TTF2: variants seen among roughly 807,000 people sequenced by gnomAD.
The protein encoded by TTF2 is transcription termination factor 2.
In TTF2, 108 loss-of-function variants were observed where a neutral mutation model predicts 142.4. The ratio of observed to expected loss-of-function variants is 0.76; its 90% CI spans 0.65 to 0.89. The LOEUF (loss-of-function observed/expected upper bound fraction) is 0.89, where lower values mean the gene tolerates loss of function less well. Ranked by LOEUF, TTF2 falls within the 40% of genes least tolerant of loss-of-function variation. TTF2 has a pLI of 0.00. For synonymous variants in TTF2, 483 were observed against 506.2 expected (o/e 0.95, Z 0.61); for missense variants, 1,327 against 1,379.8 (o/e 0.96, Z 0.61).
chr1:117,079,082 A>C lies in TTF2; in HGVS notation c.1702-486A>C, dbSNP rs1381982221. On this transcript the variant is annotated intron_variant, in intron 8 of 22. Transcript: ENST00000369466. The surrounding 1 kb of genome is among the most constrained non-coding windows in gnomAD (Gnocchi z 4.2). ...TGGTGAAACCCCATCTCTACTAAAAATAAGAAAATTAGCTGGGCATGGTGG... is the reference window on the plus strand; with the variant it reads ...TGGTGAAACCCCATCTCTACTAAAACTAAGAAAATTAGCTGGGCATGGTGG... Among the ~76,000 whole-genome samples the C allele has an allele frequency of 6.6e-6, 1 of 152,104 alleles. No homozygotes were observed. The highest frequency in any genetic ancestry group is 1.5e-5 in the Non-Finnish European group (1 of 68,020).
In TTF2 at chr1:117,076,743, G is replaced by A. The variant is rs151058269; in HGVS notation, c.1493G>A (p.Arg498His). The A allele has an allele frequency of 3.8e-4, 606 of 1,614,064 alleles. 4 individuals carry two copies. Among genetic ancestry groups the A allele is most frequent in the African/African-American group, 1.7e-4 (13 of 74,992 alleles). The change falls in exon 7 of 23, where the codon CGT becomes CAT. Residue 498 changes from arginine to histidine, a missense_variant. Physicochemically the swap from Arg to His is conservative, Grantham distance 29. Coordinates refer to ENST00000369466, the MANE Select transcript of TTF2 (RefSeq NM_003594.4). This position sits in a 1 kb window ranked among gnomAD's most constrained non-coding sequence, Gnocchi z 4.6. ...HLVPPQPLPR[R>H]GTQPVGSLEL... ...GTGCCTCCCCAACCCCTTCCTCGTC[G>A]TGGTACCCAACCTGTGGGTTCTCTA...
At position 117,091,400 on chromosome 1, in the gene TTF2, A is replaced by G; in HGVS notation, c.2661A>G (p.Pro887=). ...GNQSGRSPNN[P]FSRVALEFGS... ...AATCTGGAAGAAGCCCTAATAATCC[A>G]TTCAGTAGAGGTAAGCTGTAGGACT... Residue 887 remains proline (P), a synonymous_variant, in exon 16 of 23, where the codon CCA becomes CCG. Coordinates refer to ENST00000369466, the MANE Select transcript of TTF2 (RefSeq NM_003594.4). 6.2e-7 allele frequency: 1 copy of G among 1,613,116 alleles called. No individual in the cohort carries two copies. The highest frequency in any genetic ancestry group is 2.2e-5 in the East Asian group (1 of 44,820).
At position 117,073,961 on chromosome 1, in the gene TTF2, G is replaced by T. The variant is rs1408756535; in HGVS notation, c.285+234G>T. Among the ~76,000 whole-genome samples, 1 of 152,074 alleles carries T rather than the reference G, an allele frequency of 6.6e-6. No homozygotes were observed. The highest frequency in any genetic ancestry group is 1.9e-4 in the East Asian group (1 of 5,194). On this transcript the variant is annotated intron_variant, in intron 4 of 22. Transcript: ENST00000369466. The surrounding 1 kb of genome is among the most constrained non-coding windows in gnomAD (Gnocchi z 4.4). The stretch of plus-strand genomic sequence containing the variant: ...TTTCACTTAGTAAATATTTTTTGAG[G>T]TCTTAAATGTAGTCAGTATTCTTTT...
chr1:117,097,551 T>G lies in TTF2; in HGVS notation c.3269+118T>G, dbSNP rs1649262212. On this transcript the variant is annotated intron_variant, in intron 21 of 22. Coordinates refer to ENST00000369466, the MANE Select transcript of TTF2 (RefSeq NM_003594.4). This position sits in a 1 kb window ranked among gnomAD's most constrained non-coding sequence, Gnocchi z 4.1. ...GCTGTGTTCGTATTGCAGAGATGCC[T>G]TGCTTTGTATGTGTCTATAGATACA... 1 of 923,608 alleles carries G rather than the reference T, an allele frequency of 1.1e-6. No homozygotes were observed. Among genetic ancestry groups the G allele is most frequent in the African/African-American group, 1.6e-5 (1 of 61,670 alleles). 57.2% of individuals were successfully genotyped at this position (923,608 alleles called of 1,614,324 possible).
In TTF2 at chr1:117,084,052, C is replaced by A. The variant is rs776557042; in HGVS notation, c.1938C>A (p.Ile646=). Reference sequence around the variant, plus strand: ...ACTTTACTTCCCATGGAACACTAATCATCTGTCCTGCCTCCCTGATCCATC... The same window carrying A: ...ACTTTACTTCCCATGGAACACTAATAATCTGTCCTGCCTCCCTGATCCATC... ...SCDFTSHGTL[I]ICPASLIHHW... is the part of the protein sequence containing the mutation. The change falls in exon 11 of 23, where the codon ATC becomes ATA. Residue 646 remains isoleucine (I), a synonymous_variant. Transcript: ENST00000369466. 90 of 1,614,082 alleles carry A rather than the reference C, an allele frequency of 5.6e-5. No homozygotes were observed. Among genetic ancestry groups the A allele is most frequent in the Non-Finnish European group, 7.5e-5 (89 of 1,180,048 alleles).
chr1:117,073,381 C>G lies in TTF2; in HGVS notation c.219-280C>G, dbSNP rs1656749012. 6.6e-6 allele frequency among the ~76,000 whole-genome samples: 1 copy of G among 152,094 alleles called. No homozygotes were observed. The highest frequency in any genetic ancestry group is 1.5e-5 in the Non-Finnish European group (1 of 68,034). On this transcript the variant is annotated intron_variant, in intron 3 of 22. Transcript: ENST00000369466. The surrounding 1 kb of genome is among the most constrained non-coding windows in gnomAD (Gnocchi z 4.4). ...TCTGATTTTAGTAGCCATTGCTGAT[C>G]AGTGTTTCTATTTCAGTCATTCGTT...
intron 10 of TTF2, among the ~76,000 whole-genome samples, chr1:117,082,945 A>G (rs1174194036): frequency 6.6e-6 from 1 of 152,208 alleles, no homozygotes; most frequent in Non-Finnish European, 1.5e-5. Context: ...TTGCTTAGAT[A>G]GATTAAAAAT....
In TTF2 at chr1:117,086,598, G is replaced by A. The variant is rs1325887454; in HGVS notation, c.2160+76G>A. ...AATGGGAGTCTTTCTCAGCCTCCAC[G>A]ATAGCAAGAGGACCTCCCTGGAGGT... is the stretch of plus-strand genomic sequence containing the variant. On this transcript the variant is annotated intron_variant, in intron 12 of 22. Transcript: ENST00000369466. The surrounding 1 kb of genome is among the most constrained non-coding windows in gnomAD (Gnocchi z 4.2). 6.7e-6 allele frequency: 7 copies of A among 1,042,890 alleles called. No homozygotes were observed. The highest frequency in any genetic ancestry group is 1.9e-5 in the Admixed American group (1 of 51,554). 64.6% of individuals were successfully genotyped at this position (1,042,890 alleles called of 1,614,324 possible). A position where few individuals can be genotyped will look rare whatever the true frequency, so the allele number is the denominator to read the frequency against.
At chr1:117,084,272 T>G in intron 11 of TTF2, 104 bp downstream of exon 11, 1 of 1,428,122 alleles carries the variant, frequency 7.0e-7, no homozygotes, top group Admixed American at 2.0e-5. Flanking sequence ...AGGACGCGTA[T>G]TTGTGAAAGC....
chr1:117,099,031 T>A lies in TTF2; in HGVS notation c.3344+124T>A. The A allele has an allele frequency of 1.2e-6, 1 of 866,112 alleles. No individual in the cohort carries two copies. The highest frequency in any genetic ancestry group is 1.7e-6 in the Non-Finnish European group (1 of 590,504). 53.7% of individuals were successfully genotyped at this position (866,112 alleles called of 1,614,324 possible). ...GTGATGACTTTACTGATGATGCCCC[T>A]GAGGCATACCTTCAGGCAAACCACA... On this transcript the variant is annotated intron_variant, in intron 22 of 22. Coordinates refer to ENST00000369466, the MANE Select transcript of TTF2 (RefSeq NM_003594.4). The surrounding 1 kb of genome is among the most constrained non-coding windows in gnomAD (Gnocchi z 4.3).
At position 117,093,395 on chromosome 1, in the gene TTF2, C is replaced by A. The variant is rs1372753831; in HGVS notation, c.2976+494C>A. Among the ~76,000 whole-genome samples, 1 of 152,154 alleles carries A rather than the reference C, an allele frequency of 6.6e-6. No individual in the cohort carries two copies. The highest frequency in any genetic ancestry group is 2.4e-5 in the African/African-American group (1 of 41,412). On this transcript the variant is annotated intron_variant, in intron 18 of 22. Transcript: ENST00000369466. The surrounding 1 kb of genome is among the most constrained non-coding windows in gnomAD (Gnocchi z 4.5). ...CTGTTTTCGTCAGAGCTTTTTAAGG[C>A]AGAAACATTCTGCTGGAGGAAGGCT...
chr1:117,093,735 G>T lies in TTF2; in HGVS notation c.2976+834G>T, dbSNP rs1648821561. Among the ~76,000 whole-genome samples, 1 of 152,328 alleles carries T rather than the reference G, an allele frequency of 6.6e-6. No individual in the cohort carries two copies. Among genetic ancestry groups the T allele is most frequent in the South Asian group, 2.1e-4 (1 of 4,822 alleles). The stretch of plus-strand genomic sequence containing the variant: ...CCATGTGGCCAGAACACACATGCTA[G>T]TGCCTTCAGAGTGAGCTATTGGGCT... On this transcript the variant is annotated intron_variant, in intron 18 of 22. Coordinates refer to ENST00000369466, the MANE Select transcript of TTF2 (RefSeq NM_003594.4). The surrounding 1 kb of genome is among the most constrained non-coding windows in gnomAD (Gnocchi z 4.5).
Position 117,069,486 on chromosome 1 carries a change from G to A in TTF2, c.219-4175G>A, listed in dbSNP as rs1020012020. Among the ~76,000 whole-genome samples, 7 of 152,356 alleles carry A rather than the reference G, an allele frequency of 4.6e-5. No homozygotes were observed. In the South Asian group the frequency reaches 8.3e-4, roughly 18 times the overall value. On this transcript the variant is annotated intron_variant, in intron 3 of 22. Coordinates refer to ENST00000369466, the MANE Select transcript of TTF2 (RefSeq NM_003594.4). ...GAACAGCTTCAGCAGAAGTGTGGATGTAGGAATAAGCAGAGTGATCAGCCA... is the reference window on the plus strand; with the variant it reads ...GAACAGCTTCAGCAGAAGTGTGGATATAGGAATAAGCAGAGTGATCAGCCA...
rs1016224711 is a variant in TTF2 at position 117,073,375 on chromosome 1, G to A, written c.219-286G>A. ...CATTTCTCTGATTTTAGTAGCCATT[G>A]CTGATCAGTGTTTCTATTTCAGTCA... On this transcript the variant is annotated intron_variant, in intron 3 of 22. Transcript: ENST00000369466. The surrounding 1 kb of genome is among the most constrained non-coding windows in gnomAD (Gnocchi z 4.4). 1.3e-5 allele frequency among the ~76,000 whole-genome samples: 2 copies of A among 152,128 alleles called. No individual in the cohort carries two copies. The highest frequency in any genetic ancestry group is 4.8e-5 in the African/African-American group (2 of 41,416).
rs141364868 is a variant in TTF2 at position 117,078,134 on chromosome 1, T to C, written c.1701+91T>C. 6.6e-3 allele frequency: 10,038 copies of C among 1,513,212 alleles called. 47 individuals are homozygous for C. Among genetic ancestry groups the C allele is most frequent in the Middle Eastern group, 0.012 (51 of 4,170 alleles). The allele number at this position is 1,513,212 out of a possible 1,614,324, so 93.7% of individuals were successfully genotyped here. On this transcript the variant is annotated intron_variant, in intron 8 of 22. Transcript: ENST00000369466. The stretch of plus-strand genomic sequence containing the variant: ...TGGCAGAGAGACTTTCTGAGATACC[T>C]TTCCTACAGACAGATGCTTAAATGG...
Position 117,098,829 on chromosome 1 carries a change from A to G in TTF2, c.3270-4A>G, listed in dbSNP as rs1208025427. On this transcript the variant is annotated splice_region_variant and splice_polypyrimidine_tract_variant and intron_variant, in intron 21 of 22. Coordinates refer to ENST00000369466, the MANE Select transcript of TTF2 (RefSeq NM_003594.4). ...TCCTTTGAGCTTTAGCTGTCTTCTA[A>G]CAGGAATCCATCACTTGAAGATCAA... is the stretch of plus-strand genomic sequence containing the variant. The G allele has an allele frequency of 6.2e-7, 1 of 1,611,346 alleles. No homozygotes were observed. The highest frequency in any genetic ancestry group is 1.7e-5 in the Admixed American group (1 of 59,662).
In TTF2 at chr1:117,097,374, C is replaced by G; in HGVS notation, c.3210C>G (p.Ala1070=). 6 of 1,614,030 alleles carry G rather than the reference C, an allele frequency of 3.7e-6. No homozygotes were observed. Among genetic ancestry groups the G allele is most frequent in the Non-Finnish European group, 5.1e-6 (6 of 1,179,992 alleles). ...AGGTAATGCTAATCTCTCTCTTGGC[C>G]GGAGGTGTTGGTCTAAACCTGACTG... The part of the protein sequence containing the change: ...GPQVMLISLL[A]GGVGLNLTGG... The change falls in exon 21 of 23, where the codon GCC becomes GCG. Residue 1070 remains alanine, a synonymous_variant. Transcript: ENST00000369466. This position sits in a 1 kb window ranked among gnomAD's most constrained non-coding sequence, Gnocchi z 4.1.
In TTF2 at chr1:117,073,280, T is replaced by C. The variant is rs1656739867; in HGVS notation, c.219-381T>C. Among the ~76,000 whole-genome samples the C allele has an allele frequency of 6.6e-6, 1 of 152,218 alleles. No homozygotes were observed. Among genetic ancestry groups the C allele is most frequent in the South Asian group, 2.1e-4 (1 of 4,832 alleles). On this transcript the variant is annotated intron_variant, in intron 3 of 22. Transcript: ENST00000369466. This position sits in a 1 kb window ranked among gnomAD's most constrained non-coding sequence, Gnocchi z 4.4. ...TGGCTTCGTTGTTTTGGGGTTTTTT[T>C]TGGGGCAACATTGCTTTGTAGCTAG...
At position 117,097,675 on chromosome 1, in the gene TTF2, T is replaced by G. The variant is rs772096763; in HGVS notation, c.3269+242T>G. On this transcript the variant is annotated intron_variant, in intron 21 of 22. Coordinates refer to ENST00000369466, the MANE Select transcript of TTF2 (RefSeq NM_003594.4). The surrounding 1 kb of genome is among the most constrained non-coding windows in gnomAD (Gnocchi z 4.1). ...AATAGTTCATTCACGTTATTGTTAG[T>G]CTAACATCTGTTTCCATGGAAACGG... Among the ~76,000 whole-genome samples, 11 of 152,172 alleles carry G rather than the reference T, an allele frequency of 7.2e-5. No homozygotes were observed. The highest frequency in any genetic ancestry group is 1.5e-4 in the Non-Finnish European group (10 of 68,026).
Sources: allele counts gnomAD v4.1 joint callset (sites outside exome capture counted in the v4.1 genomes callset), GRCh38; gene constraint gnomAD v4.1.1; non-coding constraint Gnocchi (gnomAD v3.1); transcripts MANE v1.5; gene names NCBI Gene and HGNC (gene_info 2026-07-23, HGNC 2026-07-21).